POPDC2: variants seen among roughly 807,000 people sequenced by gnomAD.
The protein encoded by POPDC2 is popeye domain-containing protein 2.
POPDC2 carries 24 observed loss-of-function variants against 30.5 expected under a neutral mutation model. The observed-to-expected ratio is 0.79, with a 90% CI of 0.57 to 1.11. The LOEUF is 1.11. Ranked by LOEUF, POPDC2 falls within the 50% of genes least tolerant of loss-of-function variation. The probability of loss-of-function intolerance (pLI) is 0.00; values close to 1 mark genes in which losing one functional copy is unlikely to be tolerated. For synonymous variants in POPDC2, 185 were observed against 183.3 expected (o/e 1.01, Z -0.07); for missense variants, 409 against 447.0 (o/e 0.91, Z 0.77).
At chr3:119,642,693 A>C in intron 3 of POPDC2, 132 bp from the exon 4 acceptor site, 1 of 600,444 alleles carries the variant, frequency 1.7e-6, no homozygotes, top group Non-Finnish European at 3.0e-6. Context: ...ACTGCCTGAC[A>C]TGATAGGGGC....
intron 3 of POPDC2, among the ~76,000 whole-genome samples, chr3:119,644,381 C>T (rs541075491): frequency 2.0e-5 from 3 of 152,268 alleles, no homozygotes; most frequent in South Asian, 2.1e-4. Context: ...TAATAAGACA[C>T]AGAATGGATC....
Position 119,648,156 on chromosome 3 carries a change from C to T in POPDC2, c.*6G>A. On this transcript the variant is annotated 3_prime_UTR_variant, in exon 3 of 4. Transcript: ENST00000493094. ...GCCGGTGGCTGTGCCCATGTTAGTT[C>T]TCCCTTCACCTCATGTACTCCCCAT... 6.7e-7 allele frequency: 1 copy of T among 1,499,694 alleles called. No homozygotes were observed. The highest frequency in any genetic ancestry group is 8.9e-7 in the Non-Finnish European group (1 of 1,120,080). 92.9% of individuals were successfully genotyped at this position (1,499,694 alleles called of 1,614,324 possible).
chr3:119,648,859 G>T (rs1985121), intron 2 of POPDC2, among the ~76,000 whole-genome samples, 191 bp from the exon 3 acceptor site: 108,233 of 151,932 alleles, frequency 0.71, 38,740 homozygotes, highest in Middle Eastern at 0.78. Context: ...GATATGGGGG[G>T]GTCCTGTGTC....
chr3:119,648,268 C>T lies in POPDC2; in HGVS notation c.1001G>A (p.Gly334Asp), dbSNP rs745495744. 1.2e-6 allele frequency: 2 copies of T among 1,613,708 alleles called. No homozygotes were observed. The highest frequency in any genetic ancestry group is 1.7e-6 in the Non-Finnish European group (2 of 1,179,874). ...ACTGGTGGAGTCCTCACCCAGTATGCCACTGTCTGGCCTGGACAACCTGGC... is the reference window on the plus strand; with the variant it reads ...ACTGGTGGAGTCCTCACCCAGTATGTCACTGTCTGGCCTGGACAACCTGGC... ...TRARLSRPDS[G>D]ILGEDSTSLV... The change falls in exon 3 of 4, where the codon GGC becomes GAC. Residue 334 changes from glycine (G) to aspartate (D), a missense_variant. Transcript: ENST00000493094.
rs75776101 is a variant in POPDC2, at chr3:119,657,352, A to G, written c.491+2581T>C. On this transcript the variant is annotated intron_variant, in intron 1 of 3. Coordinates refer to ENST00000493094, the MANE Select transcript of POPDC2 (RefSeq NM_001369919.2). ...TTGCTCTTAATGAATGCCTAGGTAT[A>G]CATGCGTGTATACAAATTACCAAAG... Among the ~76,000 whole-genome samples the G allele has an allele frequency of 0.015, 2,278 of 152,324 alleles. 290 individuals are homozygous for G. In the East Asian group the frequency reaches 0.32, roughly 22 times the overall value.
chr3:119,658,888 G>A (rs1219041778), intron 1 of POPDC2, among the ~76,000 whole-genome samples: 1 of 148,156 alleles, frequency 6.7e-6, no homozygotes, highest in Non-Finnish European at 1.5e-5. Flanking sequence ...TTTCTCCATT[G>A]TGTGGTTGGC....
At chr3:119,648,034 C>T (rs2107815035) in intron 3 of POPDC2, 85 bp downstream of exon 3, 3 of 1,131,468 alleles carry the variant, frequency 2.7e-6, no homozygotes, top group East Asian at 2.6e-5. Context: ...GGAAATGTTC[C>T]ACGAATGATT....
chr3:119,649,391 T>C (rs78436630), intron 2 of POPDC2, among the ~76,000 whole-genome samples: 1,713 of 152,276 alleles, frequency 0.011, 26 homozygotes, highest in African/African-American at 0.038. Flanking sequence ...TATGTGCCCA[T>C]GATGCAAAGC....
rs771968721 is a variant in POPDC2, at chr3:119,660,405, T to G, written c.19A>C (p.Arg7=). Residue 7 remains arginine (R), a synonymous_variant, in exon 1 of 4, where the codon AGA becomes CGA. Transcript: ENST00000493094. MSANSS[R]VGQLLLQGSA... is the part of the protein sequence containing the mutation. ...CCCTGCAAGAGAAGCTGGCCCACTCTGCTGCTGTTGGCGCTCATCTTTGGG... is the reference window on the plus strand; with the variant it reads ...CCCTGCAAGAGAAGCTGGCCCACTCGGCTGCTGTTGGCGCTCATCTTTGGG... 1 of 1,612,586 alleles carries G rather than the reference T, an allele frequency of 6.2e-7. No individual in the cohort carries two copies. The highest frequency in any genetic ancestry group is 8.5e-7 in the Non-Finnish European group (1 of 1,178,918).
intron 2 of POPDC2, among the ~76,000 whole-genome samples, chr3:119,649,990 T>G (rs1028336308): frequency 6.6e-6 from 1 of 152,228 alleles, no homozygotes; most frequent in African/African-American, 2.4e-5. Context: ...TCAGATAAAT[T>G]ACTTAATCTC....
rs967843492 is a variant in POPDC2, at chr3:119,660,568, G to A, written c.-145C>T. The A allele has an allele frequency of 5.2e-5, 48 of 924,252 alleles. No homozygotes were observed. The highest frequency in any genetic ancestry group is 1.5e-4 in the Admixed American group (5 of 34,364). The allele number at this position is 924,252 out of a possible 1,614,324, so 57.3% of individuals were successfully genotyped here. On this transcript the variant is annotated 5_prime_UTR_variant, in exon 1 of 4. Coordinates refer to ENST00000493094, the MANE Select transcript of POPDC2 (RefSeq NM_001369919.2). ...CACCTTTCCTAGAAGGAATGCTTCC[G>A]GTGGCTTTGGGAAGGAATGATGGAA...
At chr3:119,653,052 G>A (rs769159354) in intron 2 of POPDC2, among the ~76,000 whole-genome samples, 4 of 144,824 alleles carry the variant, frequency 2.8e-5, no homozygotes, top group Non-Finnish European at 4.6e-5. Flanking sequence ...GTGTGCATGC[G>A]TGTGCATGTG....
chr3:119,642,659 A>G, intron 3 of POPDC2, 98 bp from the exon 4 acceptor site: 1 of 780,378 alleles, frequency 1.3e-6, no homozygotes, highest in Non-Finnish European at 2.1e-6. Flanking sequence ...TCCTTTACCA[A>G]TTCCCAATGT....
intron 3 of POPDC2, among the ~76,000 whole-genome samples, chr3:119,647,629 C>G (rs1464000865): frequency 6.6e-6 from 1 of 152,230 alleles, no homozygotes; most frequent in East Asian, 1.9e-4. Flanking sequence ...CCTCCCCGAG[C>G]TATTAGCTCA....
chr3:119,647,626 G>A (rs570642514), intron 3 of POPDC2, among the ~76,000 whole-genome samples: 1 of 152,288 alleles, frequency 6.6e-6, no homozygotes, highest in East Asian at 1.9e-4. Flanking sequence ...TTTCCTCCCC[G>A]AGCTATTAGC....
chr3:119,653,097 C>T (rs2052834270), intron 2 of POPDC2, among the ~76,000 whole-genome samples: 1 of 152,048 alleles, frequency 6.6e-6, no homozygotes, highest in African/African-American at 2.4e-5. Context: ...CTCTACTCTT[C>T]TGGTGACCTT....
At chr3:119,652,254 T>C (rs937189945) in intron 2 of POPDC2, among the ~76,000 whole-genome samples, 2 of 152,188 alleles carry the variant, frequency 1.3e-5, no homozygotes, top group African/African-American at 4.8e-5. Flanking sequence ...CTGACTTAAT[T>C]GAATTGTCGA....
intron 1 of POPDC2, among the ~76,000 whole-genome samples, chr3:119,655,617 C>A (rs1298908820): frequency 6.6e-6 from 1 of 152,216 alleles, no homozygotes; most frequent in African/African-American, 2.4e-5. Flanking sequence ...AGTGGCAAGT[C>A]TACCATATGC....
intron 2 of POPDC2, among the ~76,000 whole-genome samples, chr3:119,651,926 G>A (rs928680816): frequency 6.6e-6 from 1 of 152,140 alleles, no homozygotes; most frequent in Non-Finnish European, 1.5e-5. Flanking sequence ...GAGCCACCGC[G>A]CCCAGCCTCT....
Sources: gnomAD v4.1 joint callset for allele counts (sites outside exome capture counted in the v4.1 genomes callset) on GRCh38, gnomAD v4.1.1 for gene constraint, MANE v1.5 for transcripts, NCBI Gene and HGNC (gene_info 2026-07-23, HGNC 2026-07-21) for gene names.